The following NOL4 variants were observed in gnomAD, a reference collection of about 807,000 sequenced individuals.
NOL4 encodes cancer/testis antigen 125.
A neutral mutation model predicts 75.9 loss-of-function variants in NOL4; 17 were observed. The ratio of observed to expected loss-of-function variants is 0.22; its 90% CI spans 0.15 to 0.34. NOL4 has a LOEUF of 0.34. Ranked by LOEUF, NOL4 falls within the 10% of genes least tolerant of loss-of-function variation. The probability of loss-of-function intolerance (pLI) is 1.00; values close to 1 mark genes in which losing one functional copy is unlikely to be tolerated. For synonymous variants in NOL4, 292 were observed against 289.9 expected (o/e 1.01, Z -0.07); for missense variants, 614 against 793.5 (o/e 0.77, Z 2.72).
intron 1 of NOL4, among the ~76,000 whole-genome samples, chr18:34,133,310 G>A (rs2080745896): frequency 6.8e-6 from 1 of 147,562 alleles, no homozygotes; most frequent in Non-Finnish European, 1.5e-5. Context: ...CACTATCCCA[G>A]ATGAACAAAA....
At chr18:34,016,799 C>A (rs1600261042) in intron 6 of NOL4, among the ~76,000 whole-genome samples, 1 of 152,226 alleles carries the variant, frequency 6.6e-6, no homozygotes, top group East Asian at 1.9e-4. Flanking sequence ...AGACCATGAG[C>A]TTTTAAAGGG....
chr18:34,120,022 A>G (rs2145830372), intron 2 of NOL4, among the ~76,000 whole-genome samples: 1 of 152,356 alleles, frequency 6.6e-6, no homozygotes, highest in East Asian at 1.9e-4. Context: ...ACGTATTACA[A>G]ACTATTGTTT....
chr18:33,976,758 T>A (rs988913075), intron 6 of NOL4, among the ~76,000 whole-genome samples: 1 of 152,170 alleles, frequency 6.6e-6, no homozygotes, highest in Non-Finnish European at 1.5e-5. Flanking sequence ...GAGGTGAGCC[T>A]TGAAGGTGAT....
intron 10 of NOL4, among the ~76,000 whole-genome samples, chr18:33,855,448 G>A (rs1446917723): frequency 1.3e-5 from 2 of 152,030 alleles, no homozygotes; most frequent in African/African-American, 4.8e-5. Flanking sequence ...TCTCACACAA[G>A]GCTACTGAGA....
chr18:34,135,626 G>A (rs1446499518), intron 1 of NOL4, among the ~76,000 whole-genome samples: 1 of 131,176 alleles, frequency 7.6e-6, no homozygotes, highest in African/African-American at 2.9e-5. Flanking sequence ...GAACCTGGGA[G>A]GCCAGAGCTT....
At position 33,894,613 on chromosome 18, in the gene NOL4, G is replaced by A. The variant is rs546675094; in HGVS notation, c.1543-11189C>T. 5.9e-5 allele frequency among the ~76,000 whole-genome samples: 9 copies of A among 152,080 alleles called. No homozygotes were observed. In the South Asian group the frequency reaches 1.7e-3, roughly 28 times the overall value. Reference sequence around the variant, plus strand: ...TCTGACTTGAGAAGCCAAAGTCACCGCAGGATACCTGTTACCAGAATTTTA... The same window carrying A: ...TCTGACTTGAGAAGCCAAAGTCACCACAGGATACCTGTTACCAGAATTTTA... On this transcript the variant is annotated intron_variant, in intron 9 of 10. Transcript: ENST00000261592.
intron 9 of NOL4, among the ~76,000 whole-genome samples, chr18:33,896,653 A>C (rs758103851): frequency 1.3e-5 from 2 of 152,198 alleles, no homozygotes; most frequent in Non-Finnish European, 1.5e-5. Context: ...GTAAAACCCA[A>C]AATTATCCAA....
At chr18:33,917,308 C>G (rs1011552777) in intron 9 of NOL4, among the ~76,000 whole-genome samples, 1 of 151,984 alleles carries the variant, frequency 6.6e-6, no homozygotes, top group African/African-American at 2.4e-5. Context: ...CAGTACTACC[C>G]CCTCCTTTTA....
intron 9 of NOL4, among the ~76,000 whole-genome samples, chr18:33,888,342 C>T (rs2144774310): frequency 6.6e-6 from 1 of 152,186 alleles, no homozygotes; most frequent in South Asian, 2.1e-4. Context: ...GGGTAGATTG[C>T]AAAGATTTTC....
chr18:34,003,418 A>G (rs2146254447), intron 6 of NOL4, among the ~76,000 whole-genome samples: 1 of 152,220 alleles, frequency 6.6e-6, no homozygotes, highest in East Asian at 1.9e-4. Flanking sequence ...TAAAAAGTGA[A>G]ATAAAGTTTA....
At chr18:33,977,866 CTGA>C (rs1460605785) in intron 6 of NOL4, among the ~76,000 whole-genome samples, 5 of 152,126 alleles carry the variant, frequency 3.3e-5, no homozygotes, top group African/African-American at 9.7e-5. Flanking sequence ...CATGTTTTCC[CTGA>C]CTGGAAAAAG....
chr18:34,183,147 TCA>T (rs904815730), intron 1 of NOL4, among the ~76,000 whole-genome samples: 3 of 151,772 alleles, frequency 2.0e-5, no homozygotes, highest in African/African-American at 7.2e-5. Flanking sequence ...TATTTGCAAA[TCA>T]CATTTCTGAC....
intron 1 of NOL4, among the ~76,000 whole-genome samples, chr18:34,141,513 C>T (rs1422629425): frequency 6.6e-6 from 1 of 152,058 alleles, no homozygotes; most frequent in Non-Finnish European, 1.5e-5. Context: ...AGAACAGAGC[C>T]CTCATAAATA....
intron 2 of NOL4, among the ~76,000 whole-genome samples, chr18:34,127,627 A>G (rs1568372968): frequency 6.6e-6 from 1 of 151,920 alleles, no homozygotes; most frequent in Admixed American, 6.6e-5. Flanking sequence ...TCTATTTCAA[A>G]TCACATTTTA....
chr18:34,142,217 T>C (rs530761217), intron 1 of NOL4, among the ~76,000 whole-genome samples: 26 of 152,182 alleles, frequency 1.7e-4, no homozygotes, highest in Non-Finnish European at 3.2e-4. Context: ...ATAGGAACAC[T>C]TCTAAGCTGT....
At chr18:34,144,891 T>C (rs939981020) in intron 1 of NOL4, among the ~76,000 whole-genome samples, 2 of 152,050 alleles carry the variant, frequency 1.3e-5, no homozygotes, top group African/African-American at 2.4e-5. Flanking sequence ...TTTTTCTGAG[T>C]TTCAAATTCA....
intron 1 of NOL4, among the ~76,000 whole-genome samples, chr18:34,145,071 C>A: frequency 6.6e-6 from 1 of 152,086 alleles, no homozygotes; most frequent in African/African-American, 2.4e-5. Context: ...TATTGACAGA[C>A]AAGAACACTG....
intron 5 of NOL4, among the ~76,000 whole-genome samples, chr18:34,046,618 A>ATATATATATATATATATATATATATG (rs1304850540): frequency 0.013 from 1,444 of 114,072 alleles, 53 homozygotes; most frequent in Non-Finnish European, 0.024. Context: ...ATATATATAT[A>ATATATATATATATATATATATATATG]TATATATATA....
chr18:34,091,195 CAAAA>C (rs56398038), intron 5 of NOL4, among the ~76,000 whole-genome samples: 1 of 122,740 alleles, frequency 8.1e-6, no homozygotes, highest in Non-Finnish European at 1.7e-5. Flanking sequence ...ACTAAAAATA[CAAAA>C]AAAAAAAAAA....
Sources: allele counts gnomAD v4.1 joint callset (sites outside exome capture counted in the v4.1 genomes callset), GRCh38; gene constraint gnomAD v4.1.1; transcripts MANE v1.5; gene names NCBI Gene and HGNC (gene_info 2026-07-23, HGNC 2026-07-21).